The following SGMS2 variants were observed in gnomAD, a reference collection of about 807,000 sequenced individuals.
SGMS2 encodes phosphatidylcholine:ceramide cholinephosphotransferase 2.
SGMS2 carries 21 observed loss-of-function variants against 43.8 expected under a neutral mutation model. The ratio of observed to expected loss-of-function variants is 0.48; its 90% CI spans 0.34 to 0.69. The LOEUF is 0.69. Among genes scored for constraint, SGMS2 ranks in the 30% least tolerant of loss-of-function variants. SGMS2 has a pLI of 0.01. For synonymous variants in SGMS2, 167 were observed against 160.6 expected (o/e 1.04, Z -0.30); for missense variants, 384 against 443.2 (o/e 0.87, Z 1.20).
chr4:107,899,535 C>A, intron 3 of SGMS2, 40 bp from the exon 4 acceptor site: 1 of 1,438,926 alleles, frequency 6.9e-7, no homozygotes, highest in Non-Finnish European at 9.7e-7. Context: ...TAAAACCAAC[C>A]AGTAAACTTG....
chr4:107,826,653 G>GTTT (rs113271634), intron 1 of SGMS2, among the ~76,000 whole-genome samples: 14 of 146,650 alleles, frequency 9.5e-5, no homozygotes, highest in African/African-American at 1.5e-4. Flanking sequence ...TGGTTGAAGT[G>GTTT]TTTTTTTTTT....
At chr4:107,884,785 G>T (rs1281750148) in intron 2 of SGMS2, among the ~76,000 whole-genome samples, 1 of 152,118 alleles carries the variant, frequency 6.6e-6, no homozygotes, top group African/African-American at 2.4e-5. Flanking sequence ...TATGTTGATT[G>T]ATGTCTCATG....
chr4:107,908,372 G>T, intron 5 of SGMS2, 193 bp from the exon 6 acceptor site: 1 of 547,758 alleles, frequency 1.8e-6, no homozygotes, highest in Non-Finnish European at 3.2e-6. Context: ...CCCGCTGCCA[G>T]GGAGCCCCTC....
In SGMS2 at chr4:107,912,526, A is replaced by G. The variant is rs1410723823; in HGVS notation, c.*1973A>G. 6.6e-6 allele frequency: 1 copy of G among 152,136 alleles called. No homozygotes were observed. Among genetic ancestry groups the G allele is most frequent in the Non-Finnish European group, 1.5e-5 (1 of 68,026 alleles). The allele number at this position is 152,136 out of a possible 1,614,324, so 9.4% of individuals were successfully genotyped here. On this transcript the variant is annotated 3_prime_UTR_variant, in exon 7 of 7. Coordinates refer to ENST00000690982, the MANE Select transcript of SGMS2 (RefSeq NM_001375905.1). ...TTAAGTTCCTGTTGCCCGATTGTAA[A>G]GAAAATCATCTGACACAGAAGCCTG...
At chr4:107,828,715 C>T (rs1227974056) in intron 1 of SGMS2, among the ~76,000 whole-genome samples, 2 of 152,080 alleles carry the variant, frequency 1.3e-5, no homozygotes, top group African/African-American at 4.8e-5. Flanking sequence ...TTTAGCTGCC[C>T]TTTTTTCTAA....
chr4:107,831,388 A>C (rs1942221812), intron 1 of SGMS2, among the ~76,000 whole-genome samples: 1 of 152,194 alleles, frequency 6.6e-6, no homozygotes, highest in South Asian at 2.1e-4. Context: ...ACTGCCACTC[A>C]TCACTAGATA....
At chr4:107,895,259 T>C in intron 2 of SGMS2, 51 bp from the exon 3 acceptor site, 1 of 333,480 alleles carries the variant, frequency 3.0e-6, no homozygotes, top group South Asian at 7.5e-5. Flanking sequence ...TTTTGGATGG[T>C]TGACAGTTGG....
Position 107,908,853 on chromosome 4 carries a change from A to G in SGMS2, c.894+122A>G, listed in dbSNP as rs1731839441. ...GATGTTGCCACATTCACTTAAACAT[A>G]TATCCATTACTGCTTTTTAAAATAA... On this transcript the variant is annotated intron_variant, in intron 6 of 6. Coordinates refer to ENST00000690982, the MANE Select transcript of SGMS2 (RefSeq NM_001375905.1). 3 of 788,814 alleles carry G rather than the reference A, an allele frequency of 3.8e-6. No homozygotes were observed. The South Asian group carries it at 5.8e-5, about 15-fold the overall frequency. 48.9% of individuals were successfully genotyped at this position (788,814 alleles called of 1,614,324 possible). A position where few individuals can be genotyped will look rare whatever the true frequency, so the allele number is the denominator to read the frequency against.
At chr4:107,896,931 A>G (rs1168382597) in intron 3 of SGMS2, among the ~76,000 whole-genome samples, 2 of 152,198 alleles carry the variant, frequency 1.3e-5, no homozygotes, top group African/African-American at 4.8e-5. Context: ...TTTGATCAAA[A>G]CACTGACCAT....
chr4:107,881,295 T>C (rs1465806315), intron 2 of SGMS2, among the ~76,000 whole-genome samples: 2 of 152,120 alleles, frequency 1.3e-5, no homozygotes, highest in Non-Finnish European at 2.9e-5. Flanking sequence ...TGTCTCTTAA[T>C]CTTTTTCAGT....
chr4:107,835,312 A>C (rs1051782491), intron 1 of SGMS2, among the ~76,000 whole-genome samples: 1 of 152,188 alleles, frequency 6.6e-6, no homozygotes, highest in Admixed American at 6.5e-5. Context: ...TTGGAAACTC[A>C]AACCATAGAG....
intron 1 of SGMS2, among the ~76,000 whole-genome samples, chr4:107,835,384 T>C (rs1726115560): frequency 6.6e-6 from 1 of 152,218 alleles, no homozygotes; most frequent in Non-Finnish European, 1.5e-5. Flanking sequence ...GGAGTCACTT[T>C]GCGACTTTCA....
chr4:107,842,298 G>A (rs558588453), intron 1 of SGMS2, among the ~76,000 whole-genome samples: 1 of 152,260 alleles, frequency 6.6e-6, no homozygotes, highest in South Asian at 2.1e-4. Flanking sequence ...TCTGGTGAGG[G>A]CCTCAGGAAG....
intron 2 of SGMS2, among the ~76,000 whole-genome samples, chr4:107,889,187 A>G (rs1730003268): frequency 6.6e-6 from 1 of 152,208 alleles, no homozygotes; most frequent in Non-Finnish European, 1.5e-5. Context: ...TAATCTTACT[A>G]AATTCAAGAT....
At chr4:107,862,639 G>A (rs531094244) in intron 2 of SGMS2, among the ~76,000 whole-genome samples, 5 of 152,242 alleles carry the variant, frequency 3.3e-5, no homozygotes, top group Admixed American at 1.3e-4. Context: ...GAATGCTCCT[G>A]ACTTAAAGAG....
At chr4:107,854,261 C>T (rs563857596) in intron 1 of SGMS2, among the ~76,000 whole-genome samples, 3 of 152,124 alleles carry the variant, frequency 2.0e-5, no homozygotes, top group African/African-American at 7.2e-5. Flanking sequence ...TGAAGGAAGA[C>T]GGGTCGTTTT....
intron 2 of SGMS2, among the ~76,000 whole-genome samples, chr4:107,858,946 G>A (rs1194702353): frequency 6.6e-6 from 1 of 152,170 alleles, no homozygotes; most frequent in African/African-American, 2.4e-5. Context: ...ATATCAGTCA[G>A]CCATGCACCT....
At chr4:107,884,987 CA>C (rs969413161) in intron 2 of SGMS2, among the ~76,000 whole-genome samples, 2 of 151,936 alleles carry the variant, frequency 1.3e-5, no homozygotes, top group South Asian at 2.1e-4. Flanking sequence ...TCTGGGAAAG[CA>C]AAAAAAGCCA....
At chr4:107,861,026 G>A (rs1361395457) in intron 2 of SGMS2, among the ~76,000 whole-genome samples, 2 of 152,176 alleles carry the variant, frequency 1.3e-5, no homozygotes, top group African/African-American at 4.8e-5. Context: ...TCTCCAACCA[G>A]ACTGCAAGCT....
Sources: allele counts gnomAD v4.1 joint callset (sites outside exome capture counted in the v4.1 genomes callset), GRCh38; gene constraint gnomAD v4.1.1; transcripts MANE v1.5; gene names NCBI Gene and HGNC (gene_info 2026-07-23, HGNC 2026-07-21).